Variants in GRHL3 observed in about 807,000 individuals in gnomAD.
GRHL3 encodes grainyhead-like protein 3 homolog.
Under a neutral mutation model 70.3 loss-of-function variants are expected in GRHL3, and 20 were observed. The ratio of observed to expected loss-of-function variants is 0.28; its 90% CI spans 0.20 to 0.41. The LOEUF (loss-of-function observed/expected upper bound fraction) is 0.41, where lower values mean the gene tolerates loss of function less well. Among genes scored for constraint, GRHL3 ranks in the 10% least tolerant of loss-of-function variants. The pLI is 1.00. For missense variants in GRHL3, 637 were observed against 762.3 expected (o/e 0.84, Z 1.94); for synonymous variants, 299 against 299.9 (o/e 1.00, Z 0.03).
At position 24,342,692 on chromosome 1, in the gene GRHL3, A is replaced by C; in HGVS notation, c.1207-2A>C. The C allele has an allele frequency of 1.2e-6, 2 of 1,613,926 alleles. No homozygotes were observed. Among genetic ancestry groups the C allele is most frequent in the Non-Finnish European group, 1.7e-6 (2 of 1,179,798 alleles). On this transcript the variant is annotated splice_acceptor_variant, in intron 9 of 15. Coordinates refer to ENST00000361548, the MANE Select transcript of GRHL3 (RefSeq NM_198173.3). LOFTEE classifies it high-confidence loss of function. This position sits in a 1 kb window ranked among gnomAD's most constrained non-coding sequence, Gnocchi z 4.8. ...GTGACCCTCTCTCCTTCTCCCCTGC[A>C]GGGAGCTGAGAGGAAGATGCGCGAT...
chr1:24,341,271 C>T lies in GRHL3; in HGVS notation c.1048-844C>T, dbSNP rs184725356. On this transcript the variant is annotated intron_variant, in intron 8 of 15. Transcript: ENST00000361548. ...CTTCCAGCTGTCCCTCTCATGGCAA[C>T]GGTTATAACATATCAAGCCTACACA... Among the ~76,000 whole-genome samples the T allele has an allele frequency of 1.8e-4, 28 of 152,214 alleles. No individual in the cohort carries two copies. The Middle Eastern group carries it at 0.01, about 55-fold the overall frequency.
rs564500604 is a variant in GRHL3, at chr1:24,340,059, T to C, written c.1047+297T>C. Among the ~76,000 whole-genome samples the C allele has an allele frequency of 3.9e-5, 6 of 152,126 alleles. No homozygotes were observed. The East Asian group carries it at 1.2e-3, about 29-fold the overall frequency. On this transcript the variant is annotated intron_variant, in intron 8 of 15. Transcript: ENST00000361548. ...TGGCATCATAGTACCAACTGGTAGG[T>C]TGTAGTGAGGAGCAGGTGAGATAAG...
chr1:24,349,657 T>C (rs191873675), intron 14 of GRHL3, among the ~76,000 whole-genome samples: 2 of 152,334 alleles, frequency 1.3e-5, no homozygotes, highest in East Asian at 3.9e-4. Flanking sequence ...TAGGACAGTT[T>C]CAATATCTCA....
At chr1:24,329,179 A>T (rs916449281) in intron 1 of GRHL3, among the ~76,000 whole-genome samples, 1 of 151,714 alleles carries the variant, frequency 6.6e-6, no homozygotes, top group Admixed American at 6.6e-5. Context: ...TGACAGCTCC[A>T]CCTCCCTTCC....
chr1:24,330,553 A>C (rs1639565528), intron 1 of GRHL3, among the ~76,000 whole-genome samples: 3 of 152,252 alleles, frequency 2.0e-5, no homozygotes, highest in African/African-American at 2.4e-5. Flanking sequence ...GCTAGTGCCT[A>C]ACGCATGGCC....
At chr1:24,362,280 C>T (rs757827122) in intron 15 of GRHL3, among the ~76,000 whole-genome samples, 10 of 152,134 alleles carry the variant, frequency 6.6e-5, no homozygotes, top group South Asian at 2.1e-4. Flanking sequence ...TGTTGGTGTC[C>T]GGAGAGACAA....
At chr1:24,338,309 C>T (rs917213033) in intron 7 of GRHL3, among the ~76,000 whole-genome samples, 1 of 152,244 alleles carries the variant, frequency 6.6e-6, no homozygotes, top group African/African-American at 2.4e-5. Context: ...AAACAGGGCC[C>T]TGGGGACCCT....
In GRHL3 at chr1:24,336,746, C is replaced by A; in HGVS notation, c.531C>A (p.Asn177Lys). 6.2e-7 allele frequency: 1 copy of A among 1,614,106 alleles called. No individual in the cohort carries two copies. The highest frequency in any genetic ancestry group is 8.5e-7 in the Non-Finnish European group (1 of 1,180,002). ...TTDMYDNGSL[N>K]SLFESIHGVP... ...ATATGTATGATAATGGCTCCCTCAA[C>A]TCCTTGTTTGAGAGCATTCATGGGG... Residue 177 changes from asparagine (N) to lysine (K), a missense_variant, in exon 4 of 16, where the codon AAC (asparagine) becomes AAA (lysine). Around this residue, in one of 2 missense-constraint regions of GRHL3, gnomAD observed 250 missense variants for 248.6 expected, o/e 1.01. Transcript: ENST00000361548.
In GRHL3 at chr1:24,354,447, G is replaced by A. The variant is rs750368292; in HGVS notation, c.1768G>A (p.Glu590Lys). The change falls in exon 16 of 16, where the codon GAG becomes AAG. Residue 590 changes from glutamate (E) to lysine (K), a missense_variant. This residue lies in a region of GRHL3 where 387 missense variants were observed against 513.8 expected (regional missense o/e 0.75). Coordinates refer to ENST00000361548, the MANE Select transcript of GRHL3 (RefSeq NM_198173.3). ...CGTCGCCTTCCTGCTGGACATGGGG[G>A]AGCTGGACGGCAAAATTCAGATCAT... ...NHVAFLLDMG[E>K]LDGKIQIILK... 1 of 1,613,836 alleles carries A rather than the reference G, an allele frequency of 6.2e-7. No homozygotes were observed. The highest frequency in any genetic ancestry group is 1.7e-5 in the Admixed American group (1 of 60,018).
intron 15 of GRHL3, among the ~76,000 whole-genome samples, chr1:24,353,329 G>A (rs1347353158): frequency 6.6e-6 from 1 of 152,146 alleles, no homozygotes; most frequent in Non-Finnish European, 1.5e-5. Context: ...CACATGGAAA[G>A]GCCTCAGTGA....
rs749812508 is a variant in GRHL3, at chr1:24,336,536, A to G, written c.321A>G (p.Thr107=). Residue 107 remains threonine (T), a synonymous_variant, in exon 4 of 16, where the codon ACA becomes ACG. Coordinates refer to ENST00000361548, the MANE Select transcript of GRHL3 (RefSeq NM_198173.3). ...ACCTCACTCCCCTTGAAAGCCCCACACACCTCATGAAATTCCTGACAGAGA... is the reference window on the plus strand; with the variant it reads ...ACCTCACTCCCCTTGAAAGCCCCACGCACCTCATGAAATTCCTGACAGAGA... The part of the protein sequence containing the change: ...ETDLTPLESP[T]HLMKFLTENV... 1.6e-5 allele frequency: 26 copies of G among 1,612,860 alleles called. No individual in the cohort carries two copies. The highest frequency in any genetic ancestry group is 2.1e-5 in the Non-Finnish European group (25 of 1,179,448).
rs1640104624 is a variant in GRHL3, at chr1:24,342,924, G to A, written c.1318G>A (p.Gly440Ser). The A allele has an allele frequency of 1.2e-6, 2 of 1,614,156 alleles. No homozygotes were observed. The highest frequency in any genetic ancestry group is 1.7e-6 in the Non-Finnish European group (2 of 1,180,030). ...VKGCLLSGFR[G>S]NETTYLRPET... ...GGGCTGCCTGCTGTCGGGCTTCAGG[G>A]GCAATGAGACGACCTACCTTCGGCC... The change falls in exon 11 of 16, where the codon GGC becomes AGC. Residue 440 changes from glycine (G) to serine (S), a missense_variant. Around this residue, in one of 2 missense-constraint regions of GRHL3, gnomAD observed 387 missense variants for 513.8 expected, o/e 0.75. Coordinates refer to ENST00000361548, the MANE Select transcript of GRHL3 (RefSeq NM_198173.3). This position sits in a 1 kb window ranked among gnomAD's most constrained non-coding sequence, Gnocchi z 4.8.
intron 12 of GRHL3, among the ~76,000 whole-genome samples, chr1:24,345,190 GCCCCCTCTACACCTGTGC>G (rs1557702700): frequency 1.1e-3 from 2 of 1,768 alleles, no homozygotes; most frequent in East Asian, 0.029. Flanking sequence ...CTACACCTGT[GCCCCCTCTACACCTGTGC>G]CCCCTCCACA....
At position 24,322,461 on chromosome 1, in the gene GRHL3, G is replaced by T. The variant is rs930384870; in HGVS notation, c.17+2893G>T. Among the ~76,000 whole-genome samples the T allele has an allele frequency of 5.3e-5, 8 of 152,232 alleles. No homozygotes were observed. Among genetic ancestry groups the T allele is most frequent in the Admixed American group, 5.2e-4 (8 of 15,292 alleles). The stretch of plus-strand genomic sequence containing the variant: ...TGATTGCCAGGAGCAAATTTTTGTC[G>T]TGCACGAGGTGTGTTATTAAAAGTC... On this transcript the variant is annotated intron_variant, in intron 1 of 15. Transcript: ENST00000361548. This position sits in a 1 kb window ranked among gnomAD's most constrained non-coding sequence, Gnocchi z 4.4.
rs768073139 is a variant in GRHL3 at position 24,342,884 on chromosome 1, C to T, written c.1286-8C>T. ...CCTCGGGGCACATTGGCTTCCTTCT[C>T]CCATCAGGCGTCAAGGGCTGCCTGC... On this transcript the variant is annotated splice_polypyrimidine_tract_variant and splice_region_variant and intron_variant, in intron 10 of 15. Coordinates refer to ENST00000361548, the MANE Select transcript of GRHL3 (RefSeq NM_198173.3). The surrounding 1 kb of genome is among the most constrained non-coding windows in gnomAD (Gnocchi z 4.8). 2 of 1,614,160 alleles carry T rather than the reference C, an allele frequency of 1.2e-6. No homozygotes were observed. Among genetic ancestry groups the T allele is most frequent in the East Asian group, 2.2e-5 (1 of 44,882 alleles).
At chr1:24,331,869 T>C (rs936989716) in intron 2 of GRHL3, among the ~76,000 whole-genome samples, 2 of 152,224 alleles carry the variant, frequency 1.3e-5, no homozygotes, top group African/African-American at 4.8e-5. Context: ...GCAACCACCA[T>C]CGTCGTCCTT....
At chr1:24,332,727 A>G (rs1199572008) in intron 2 of GRHL3, among the ~76,000 whole-genome samples, 5 of 152,266 alleles carry the variant, frequency 3.3e-5, no homozygotes, top group Non-Finnish European at 7.3e-5. Flanking sequence ...CTTGTACAGA[A>G]GACCTCAAAC....
chr1:24,334,281 C>G lies in GRHL3; in HGVS notation c.205-364C>G, dbSNP rs550108396. Reference sequence around the variant, plus strand: ...TTAATTGACTCACAGTTCAGCATGGCCAGGGAGGCGTCAGGAAACTTAAAT... The same window carrying G: ...TTAATTGACTCACAGTTCAGCATGGGCAGGGAGGCGTCAGGAAACTTAAAT... On this transcript the variant is annotated intron_variant, in intron 2 of 15. Coordinates refer to ENST00000361548, the MANE Select transcript of GRHL3 (RefSeq NM_198173.3). The surrounding 1 kb of genome is among the most constrained non-coding windows in gnomAD (Gnocchi z 4.3). Among the ~76,000 whole-genome samples, 7 of 152,224 alleles carry G rather than the reference C, an allele frequency of 4.6e-5. No homozygotes were observed. Among genetic ancestry groups the G allele is most frequent in the Admixed American group, 4.6e-4 (7 of 15,294 alleles).
chr1:24,360,440 C>T (rs561163461), intron 15 of GRHL3, among the ~76,000 whole-genome samples: 61 of 151,924 alleles, frequency 4.0e-4, no homozygotes, highest in Non-Finnish European at 7.7e-4. Flanking sequence ...AGCGAGACTC[C>T]GTCTCAAAAA....
Sources: gnomAD v4.1 joint callset for allele counts (sites outside exome capture counted in the v4.1 genomes callset) on GRCh38, gnomAD v4.1.1 for gene constraint, gnomAD v4.1.1 regional missense constraint, Gnocchi (gnomAD v3.1) non-coding constraint, MANE v1.5 for transcripts, NCBI Gene and HGNC (gene_info 2026-07-23, HGNC 2026-07-21) for gene names.